The following FTCDNL1 variants were observed in gnomAD, a reference collection of about 807,000 sequenced individuals.
FTCDNL1 encodes formiminotransferase N-terminal subdomain-containing protein.
Under a neutral mutation model 5.9 loss-of-function variants are expected in FTCDNL1, and 11 were observed. The observed-to-expected ratio is 1.87, with a 90% CI of 1.18 to 3.10. FTCDNL1 has a LOEUF of 3.10. Ranked by LOEUF, FTCDNL1 falls within the 30% of genes most tolerant of loss-of-function variation. The probability of loss-of-function intolerance (pLI) is 0.00; values close to 1 mark genes in which losing one functional copy is unlikely to be tolerated. For missense variants in FTCDNL1, 115 were observed against 65.5 expected (o/e 1.76, Z -2.61); for synonymous variants, 58 against 24.8 (o/e 2.34, Z -3.99).
At chr2:199,689,946 T>C in the FTCDNL1 span, among the ~76,000 whole-genome samples, 3 of 152,176 alleles carry the variant, frequency 2.0e-5, no homozygotes, top group African/African-American at 4.8e-5. Context: ...GTTTCTCAAT[T>C]GGTATATTTC....
chr2:199,736,645 G>A, the FTCDNL1 span, among the ~76,000 whole-genome samples: 5 of 152,172 alleles, frequency 3.3e-5, no homozygotes, highest in African/African-American at 1.2e-4. Flanking sequence ...AATTAGAGAA[G>A]AAGCAAATCC....
chr2:199,775,727 G>A (rs1699026165), intron 3 of FTCDNL1, among the ~76,000 whole-genome samples: 1 of 151,990 alleles, frequency 6.6e-6, no homozygotes, highest in Non-Finnish European at 1.5e-5. Context: ...ACTTAAGAAG[G>A]AAAAAAGAAA....
chr2:199,811,349 A>G lies in FTCDNL1; in HGVS notation c.*1356T>C, dbSNP rs1331808341. Among the ~76,000 whole-genome samples the G allele has an allele frequency of 1.3e-5, 2 of 152,220 alleles. No homozygotes were observed. The highest frequency in any genetic ancestry group is 6.5e-5 in the Admixed American group (1 of 15,280). ...TTACCCCCCAATAAGTCATGTTACAAATAGCCTTATGTCCTAAAATCTAAT... is the reference window on the plus strand; with the variant it reads ...TTACCCCCCAATAAGTCATGTTACAGATAGCCTTATGTCCTAAAATCTAAT... On this transcript the variant is annotated 3_prime_UTR_variant, in exon 5 of 5. Coordinates refer to ENST00000420128, the MANE Select transcript of FTCDNL1 (RefSeq NM_001363886.2).
At chr2:199,718,900 TTTC>T in the FTCDNL1 span, among the ~76,000 whole-genome samples, 1 of 152,140 alleles carries the variant, frequency 6.6e-6, no homozygotes. Context: ...TTATTATTTT[TTTC>T]TTCTTCTTGA....
the FTCDNL1 span, among the ~76,000 whole-genome samples, chr2:199,713,835 G>C: frequency 1.3e-5 from 2 of 152,034 alleles, no homozygotes. Context: ...TTTATATTAA[G>C]AAACTTATTC....
the FTCDNL1 span, among the ~76,000 whole-genome samples, chr2:199,754,084 A>G: frequency 1.1e-3 from 172 of 152,306 alleles, 1 homozygote; most frequent in African/African-American, 3.9e-3. Context: ...GGGCCTTCTC[A>G]TGGAAGTGGA....
chr2:199,841,170 G>T (rs560308839), intron 3 of FTCDNL1, among the ~76,000 whole-genome samples: 1 of 148,416 alleles, frequency 6.7e-6, no homozygotes, highest in Non-Finnish European at 1.5e-5. Flanking sequence ...AAAATTTAGA[G>T]ACCTAATAGT....
Position 199,837,762 on chromosome 2 carries a change from C to T in FTCDNL1, c.211+8313G>A, listed in dbSNP as rs534151073. Among the ~76,000 whole-genome samples, 13 of 152,182 alleles carry T rather than the reference C, an allele frequency of 8.5e-5. No homozygotes were observed. The South Asian group carries it at 2.7e-3, about 32-fold the overall frequency. ...ATCAAAACAATAAGTATCAATCATG[C>T]CAGCACTATTTCTTTATTCATGTAG... is the stretch of plus-strand genomic sequence containing the variant. On this transcript the variant is annotated intron_variant, in intron 3 of 4. Coordinates refer to ENST00000420128, the MANE Select transcript of FTCDNL1 (RefSeq NM_001363886.2).
the FTCDNL1 span, among the ~76,000 whole-genome samples, chr2:199,681,245 G>A: frequency 2.0e-5 from 3 of 152,064 alleles, no homozygotes; most frequent in Non-Finnish European, 2.9e-5. Context: ...CCTGAGGTCA[G>A]GAGTTCGAGA....
chr2:199,845,976 G>T (rs2076722440), intron 3 of FTCDNL1, 99 bp downstream of exon 3: 1 of 551,060 alleles, frequency 1.8e-6, no homozygotes, highest in East Asian at 2.8e-5. Context: ...ATAGAGGGGA[G>T]TATTCATATT....
At chr2:199,816,144 C>G (rs1490960988) in intron 4 of FTCDNL1, among the ~76,000 whole-genome samples, 3 of 152,114 alleles carry the variant, frequency 2.0e-5, no homozygotes, top group Non-Finnish European at 4.4e-5. Flanking sequence ...ATATTAGAAA[C>G]TAATTGTTTA....
intron 3 of FTCDNL1, among the ~76,000 whole-genome samples, chr2:199,767,560 G>T (rs1349090085): frequency 6.6e-6 from 1 of 152,216 alleles, no homozygotes; most frequent in African/African-American, 2.4e-5. Flanking sequence ...GGTATTAAGA[G>T]GTAGGGACTT....
chr2:199,816,862 TG>T (rs1701378216), intron 4 of FTCDNL1, among the ~76,000 whole-genome samples: 1 of 152,252 alleles, frequency 6.6e-6, no homozygotes, highest in African/African-American at 2.4e-5. Context: ...ATAATTCATT[TG>T]TTTATTAAGG....
At chr2:199,764,176 G>A (rs764083425) in intron 3 of FTCDNL1, among the ~76,000 whole-genome samples, 2 of 152,142 alleles carry the variant, frequency 1.3e-5, no homozygotes, top group Non-Finnish European at 2.9e-5. Flanking sequence ...GTCATGGCAC[G>A]TACTGTGCAC....
chr2:199,824,215 G>T (rs570864458), intron 3 of FTCDNL1, among the ~76,000 whole-genome samples: 1 of 152,314 alleles, frequency 6.6e-6, no homozygotes, highest in South Asian at 2.1e-4. Context: ...TTTATGTTAT[G>T]GAGGGAGCTT....
chr2:199,762,038 A>T (rs1342690743), intron 3 of FTCDNL1, among the ~76,000 whole-genome samples: 3 of 152,148 alleles, frequency 2.0e-5, no homozygotes, highest in Non-Finnish European at 4.4e-5. Flanking sequence ...ACTAACACTA[A>T]CGATAGCCGA....
Position 199,810,846 on chromosome 2 carries a change from T to C in FTCDNL1, c.*1859A>G, listed in dbSNP as rs1302502317. On this transcript the variant is annotated 3_prime_UTR_variant, in exon 5 of 5. Transcript: ENST00000420128. ...CTATTTCAACATTATTTTACTGTCA[T>C]TACTTTTTCTTGCTACTTTCAAACT... 6.6e-6 allele frequency among the ~76,000 whole-genome samples: 1 copy of C among 152,202 alleles called. No individual in the cohort carries two copies. Among genetic ancestry groups the C allele is most frequent in the Non-Finnish European group, 1.5e-5 (1 of 68,044 alleles).
At chr2:199,718,356 TG>T in the FTCDNL1 span, among the ~76,000 whole-genome samples, 1 of 152,050 alleles carries the variant, frequency 6.6e-6, no homozygotes, top group Non-Finnish European at 1.5e-5. Flanking sequence ...GTTCCATCCA[TG>T]TTGCTGCAAA....
chr2:199,824,644 C>T (rs1046487215), intron 3 of FTCDNL1, among the ~76,000 whole-genome samples: 3 of 152,090 alleles, frequency 2.0e-5, no homozygotes, highest in African/African-American at 7.2e-5. Context: ...CACTTAAAGG[C>T]CATTGTTGGG....
Sources: gnomAD v4.1 joint callset for allele counts (sites outside exome capture counted in the v4.1 genomes callset) on GRCh38, gnomAD v4.1.1 for gene constraint, MANE v1.5 for transcripts, NCBI Gene and HGNC (gene_info 2026-07-23, HGNC 2026-07-21) for gene names.